Variants in SVIL observed in about 807,000 individuals in gnomAD.
SVIL encodes the protein supervillin.
SVIL carries 101 observed loss-of-function variants against 240.4 expected under a neutral mutation model. The observed-to-expected ratio is 0.42, with a 90% CI of 0.36 to 0.50. SVIL has a LOEUF of 0.50. SVIL is among the 20% of genes least tolerant of loss of function. SVIL has a pLI of 0.01. For missense variants in SVIL, 2,512 were observed against 2,818.7 expected (o/e 0.89, Z 2.46); for synonymous variants, 999 against 1,100.0 (o/e 0.91, Z 1.82).
rs2094204 is a variant in SVIL, at chr10:29,462,539, C to T, written c.6278-138G>A. On this transcript the variant is annotated intron_variant, in intron 35 of 37. Transcript: ENST00000355867. ...GCAAGTTACCAGTAGTTCATAACAA[C>T]ACATGGATAATGTTTATATAAGATG... The T allele has an allele frequency of 0.26, 288,211 of 1,115,644 alleles. 40,919 individuals are homozygous for T. The highest frequency in any genetic ancestry group is 0.53 in the East Asian group (21,646 of 40,638). 69.1% of individuals were successfully genotyped at this position (1,115,644 alleles called of 1,614,324 possible).
At chr10:29,509,379 G>GAGAGAGAGAGAGAGAGAGAGAGAGAGAA (rs1949657444) in intron 17 of SVIL, among the ~76,000 whole-genome samples, 1 of 135,676 alleles carries the variant, frequency 7.4e-6, no homozygotes, top group Non-Finnish European at 1.6e-5. Context: ...GAGAGAGAGA[G>GAGAGAGAGAGAGAGAGAGAGAGAGAGAA]AATACCCAAA....
In SVIL at chr10:29,527,795, G is replaced by A. The variant is rs555099804; in HGVS notation, c.2247-739C>T. 1.0e-4 allele frequency among the ~76,000 whole-genome samples: 15 copies of A among 142,928 alleles called. No individual in the cohort carries two copies. In the South Asian group the frequency reaches 1.1e-3, roughly 11 times the overall value. 93.8% of individuals were successfully genotyped at this position (142,928 alleles called of 152,430 possible). ...GGCTGGAATGCAGTGGCGCGATCTC[G>A]GCTCACTGCAGCCTCCACCTCCTGG... On this transcript the variant is annotated intron_variant, in intron 12 of 37. Coordinates refer to ENST00000355867, the MANE Select transcript of SVIL (RefSeq NM_021738.3).
chr10:29,583,055 C>T (rs1956019381), intron 1 of SVIL, among the ~76,000 whole-genome samples: 1 of 152,132 alleles, frequency 6.6e-6, no homozygotes, highest in Non-Finnish European at 1.5e-5. Flanking sequence ...TCTAAAAGTC[C>T]AGATAGCAGA....
At chr10:29,555,857 G>A (rs934115440) in intron 3 of SVIL, among the ~76,000 whole-genome samples, 11 of 152,304 alleles carry the variant, frequency 7.2e-5, no homozygotes, top group Admixed American at 2.6e-4. Context: ...ACCCTGTCAC[G>A]GAATTTGTCA....
chr10:29,646,027 T>C (rs1958643734), intron 3 of SVIL, among the ~76,000 whole-genome samples: 2 of 152,226 alleles, frequency 1.3e-5, no homozygotes, highest in African/African-American at 4.8e-5. Flanking sequence ...CCCCCTAAAA[T>C]GTGACTTGTG....
intron 1 of SVIL, among the ~76,000 whole-genome samples, chr10:29,585,332 T>C (rs1398814128): frequency 6.6e-6 from 1 of 151,952 alleles, no homozygotes; most frequent in Non-Finnish European, 1.5e-5. Flanking sequence ...AAAGTGCAGA[T>C]ATTACAGGAG....
rs777960352 is a variant in SVIL at position 29,480,714 on chromosome 10, G to A, written c.5200C>T (p.Arg1734Cys). The A allele has an allele frequency of 1.9e-6, 3 of 1,614,176 alleles. No homozygotes were observed. Among genetic ancestry groups the A allele is most frequent in the Admixed American group, 3.3e-5 (2 of 60,020 alleles). ...GTILDGVNVG[R>C]GYGLVEGHDR... is the part of the protein sequence containing the mutation. Reference sequence around the variant, plus strand: ...TGTCCTTCCACCAGGCCATAGCCACGGCCGACGTTCACTCCGTCCAGGATG... The same window carrying A: ...TGTCCTTCCACCAGGCCATAGCCACAGCCGACGTTCACTCCGTCCAGGATG... Residue 1734 changes from arginine to cysteine, a missense_variant, in exon 29 of 38, where the codon CGT (arginine) becomes TGT (cysteine). Coordinates refer to ENST00000355867, the MANE Select transcript of SVIL (RefSeq NM_021738.3).
chr10:29,622,651 C>T (rs544078396), intron 1 of SVIL, among the ~76,000 whole-genome samples: 68 of 152,254 alleles, frequency 4.5e-4, no homozygotes, highest in African/African-American at 1.5e-3. Context: ...TTAAACACGT[C>T]GAAAGCAAAA....
intron 18 of SVIL, among the ~76,000 whole-genome samples, chr10:29,497,089 C>T (rs1284064777): frequency 6.6e-6 from 1 of 152,190 alleles, no homozygotes; most frequent in Non-Finnish European, 1.5e-5. Context: ...ATATTTTCAC[C>T]ATTCCAAGAT....
chr10:29,560,731 A>G (rs868398373), intron 3 of SVIL, among the ~76,000 whole-genome samples: 1 of 152,076 alleles, frequency 6.6e-6, no homozygotes, highest in African/African-American at 2.4e-5. Flanking sequence ...CAGAGAAACA[A>G]TGAAATTGCT....
intron 3 of SVIL, chr10:29,643,971 C>T (rs751061204): frequency 2.5e-5 from 13 of 518,184 alleles, no homozygotes; most frequent in South Asian, 1.4e-4. Context: ...GCCTCTCACA[C>T]GGCTGGAGCA....
intron 2 of SVIL, among the ~76,000 whole-genome samples, chr10:29,662,568 T>A (rs943707422): frequency 2.6e-5 from 4 of 152,144 alleles, no homozygotes; most frequent in Non-Finnish European, 5.9e-5. Flanking sequence ...GTTCCAGGCA[T>A]CCATCACCCC....
At chr10:29,691,932 C>T (rs938322646) in intron 1 of SVIL, among the ~76,000 whole-genome samples, 3 of 152,202 alleles carry the variant, frequency 2.0e-5, no homozygotes, top group African/African-American at 7.2e-5. Context: ...CTGCTCAGCT[C>T]TGGTCCCCTT....
intron 22 of SVIL, 66 bp downstream of exon 22, chr10:29,490,775 CCAAGCA>C: frequency 6.3e-7 from 1 of 1,579,734 alleles, no homozygotes; most frequent in East Asian, 2.2e-5. Flanking sequence ...AGGCAGAAAA[CCAAGCA>C]ATGAGTAGAG....
intron 1 of SVIL, among the ~76,000 whole-genome samples, chr10:29,591,637 A>G (rs1465435811): frequency 6.6e-6 from 1 of 152,170 alleles, no homozygotes; most frequent in African/African-American, 2.4e-5. Context: ...CCTCCCCTGC[A>G]CCCTGCACCT....
chr10:29,496,797 G>A (rs7920339), intron 18 of SVIL, among the ~76,000 whole-genome samples: 5,709 of 152,312 alleles, frequency 0.037, 371 homozygotes, highest in African/African-American at 0.13. Context: ...GCATTTGGTA[G>A]TAAGAACCCA....
At chr10:29,486,290 A>G (rs1727847128) in intron 25 of SVIL, 60 bp from the exon 26 acceptor site, 3 of 1,598,734 alleles carry the variant, frequency 1.9e-6, no homozygotes, top group Non-Finnish European at 2.6e-6. Context: ...GCTGCAATGT[A>G]AAATGTGAAT....
At chr10:29,665,795 AAAACAAAC>A (rs72253455) in intron 2 of SVIL, among the ~76,000 whole-genome samples, 38,130 of 151,386 alleles carry the variant, frequency 0.25, 5,958 homozygotes, top group African/African-American at 0.44. Context: ...CTCCATCTCA[AAAACAAAC>A]AAACAAACAA....
At chr10:29,634,167 CT>C (rs1958220393) in intron 1 of SVIL, among the ~76,000 whole-genome samples, 1 of 151,500 alleles carries the variant, frequency 6.6e-6, no homozygotes, top group Admixed American at 6.6e-5. Flanking sequence ...AGTATTAAAC[CT>C]TTCTCTACCA....
Sources: allele counts gnomAD v4.1 joint callset (sites outside exome capture counted in the v4.1 genomes callset), GRCh38; gene constraint gnomAD v4.1.1; transcripts MANE v1.5; gene names NCBI Gene and HGNC (gene_info 2026-07-23, HGNC 2026-07-21).